ZFTRAF1: variants seen among roughly 807,000 people sequenced by gnomAD.
ZFTRAF1 encodes the protein zinc finger TRAF-type-containing protein 1.
the ZFTRAF1 span, chr8:144,452,332 C>CA: frequency 6.5e-7 from 1 of 1,545,328 alleles, no homozygotes; most frequent in South Asian, 1.2e-5. Flanking sequence ...ACCTGTGTGG[C>CA]ATGCAGCAGG....
chr8:144,450,616 G>A, the ZFTRAF1 span: 2 of 717,994 alleles, frequency 2.8e-6, no homozygotes, highest in Admixed American at 4.0e-5. Context: ...GGAGCTGGAA[G>A]GAGAGCGTAC....
the ZFTRAF1 span, among the ~76,000 whole-genome samples, chr8:144,458,574 C>T: frequency 3.3e-4 from 50 of 152,168 alleles, no homozygotes; most frequent in Non-Finnish European, 6.3e-4. Context: ...GTGTGGGGCT[C>T]GGGCAGAGAG....
the ZFTRAF1 span, chr8:144,450,491 C>T: frequency 1.4e-6 from 1 of 718,394 alleles, no homozygotes; most frequent in African/African-American, 1.7e-5. Context: ...CGTCTCGTTG[C>T]TCTCGTTGGT....
the ZFTRAF1 span, chr8:144,450,851 G>A: frequency 3.2e-5 from 20 of 616,986 alleles, no homozygotes; most frequent in Non-Finnish European, 4.8e-5. Context: ...TGACCAGGCC[G>A]AGGGCAGGCT....
At chr8:144,462,683 C>G in the ZFTRAF1 span, 19 of 143,996 alleles carry the variant, frequency 1.3e-4, no homozygotes, top group Admixed American at 1.3e-3. Flanking sequence ...CGGGCGGATG[C>G]CGGCGCGCTC....
the ZFTRAF1 span, chr8:144,457,891 C>A: frequency 6.6e-6 from 1 of 152,308 alleles, no homozygotes; most frequent in Non-Finnish European, 1.5e-5. Flanking sequence ...CCTCGCTCAC[C>A]CAGGGGTCAG....
the ZFTRAF1 span, among the ~76,000 whole-genome samples, chr8:144,458,987 C>T: frequency 6.6e-6 from 1 of 152,270 alleles, no homozygotes; most frequent in African/African-American, 2.4e-5. Flanking sequence ...CAGTCCCTTC[C>T]TCCAGGTGCC....
the ZFTRAF1 span, chr8:144,451,748 G>C: frequency 6.1e-6 from 1 of 164,112 alleles, no homozygotes; most frequent in African/African-American, 2.4e-5. Context: ...CAAAGGCGGT[G>C]GCAGCGGCCC....
the ZFTRAF1 span, chr8:144,453,116 C>T: frequency 2.6e-5 from 27 of 1,019,186 alleles, no homozygotes; most frequent in African/African-American, 3.7e-4. Context: ...AAGGCCCAGA[C>T]AGCAGAGACA....
chr8:144,452,863 G>A, the ZFTRAF1 span, among the ~76,000 whole-genome samples: 3 of 152,076 alleles, frequency 2.0e-5, no homozygotes, highest in African/African-American at 7.3e-5. Flanking sequence ...CCTCACTGCA[G>A]GAGACTTGGT....
At chr8:144,453,042 C>T in the ZFTRAF1 span, among the ~76,000 whole-genome samples, 1 of 152,246 alleles carries the variant, frequency 6.6e-6, no homozygotes, top group African/African-American at 2.4e-5. Context: ...GCAAAACCCA[C>T]CTGTCCCCAT....
At chr8:144,450,296 G>A in the ZFTRAF1 span, 1 of 660,538 alleles carries the variant, frequency 1.5e-6, no homozygotes, top group South Asian at 1.7e-5. Context: ...AGATAGTCCT[G>A]TGAAGCAGCT....
chr8:144,462,128 C>T, the ZFTRAF1 span, among the ~76,000 whole-genome samples: 1 of 152,160 alleles, frequency 6.6e-6, no homozygotes. Flanking sequence ...GCCGCTGGAG[C>T]CCCGCTGGGC....
the ZFTRAF1 span, among the ~76,000 whole-genome samples, chr8:144,458,910 C>T: frequency 3.3e-5 from 5 of 152,324 alleles, no homozygotes; most frequent in African/African-American, 9.6e-5. Flanking sequence ...GGCCCCTGCC[C>T]GGCACTTACA....
At chr8:144,458,809 G>A in the ZFTRAF1 span, among the ~76,000 whole-genome samples, 3 of 152,238 alleles carry the variant, frequency 2.0e-5, no homozygotes, top group Non-Finnish European at 4.4e-5. Flanking sequence ...GGCAGGGGCA[G>A]GGAGAGGACA....
the ZFTRAF1 span, chr8:144,454,115 C>T: frequency 6.6e-6 from 1 of 152,448 alleles, no homozygotes; most frequent in East Asian, 1.9e-4. Context: ...AATGGGGGCT[C>T]TGAGTGGGTG....
chr8:144,453,603 G>A, the ZFTRAF1 span: 1 of 716,672 alleles, frequency 1.4e-6, no homozygotes, highest in Non-Finnish European at 2.3e-6. Flanking sequence ...CCCGAGTCGT[G>A]CTGGAGTGTG....
At chr8:144,462,170 C>T in the ZFTRAF1 span, 1 of 370,168 alleles carries the variant, frequency 2.7e-6, no homozygotes, top group Admixed American at 4.8e-5. Context: ...AGAGAGGGTT[C>T]CCGGCCGCCG....
chr8:144,462,256 C>A, the ZFTRAF1 span: 1 of 536,954 alleles, frequency 1.9e-6, no homozygotes, highest in East Asian at 3.7e-5. Context: ...CGGGCTGGGC[C>A]GGGTCGGGGT....
Sources: allele counts gnomAD v4.1 joint callset (sites outside exome capture counted in the v4.1 genomes callset), GRCh38; gene constraint gnomAD v4.1.1; transcripts MANE v1.5; gene names NCBI Gene and HGNC (gene_info 2026-07-23, HGNC 2026-07-21).